The following KIF26B variants were observed in gnomAD, a reference collection of about 807,000 sequenced individuals.
The protein encoded by KIF26B is kinesin family member 26B.
KIF26B carries 63 observed loss-of-function variants against 151.2 expected under a neutral mutation model. The observed-to-expected ratio is 0.42, with a 90% CI of 0.34 to 0.51. KIF26B has a LOEUF of 0.51. Ranked by LOEUF, KIF26B falls within the 20% of genes least tolerant of loss-of-function variation. KIF26B has a pLI of 0.07. For synonymous variants in KIF26B, 1,357 were observed against 1,262.1 expected (o/e 1.08, Z -1.59); for missense variants, 2,813 against 2,913.6 (o/e 0.97, Z 0.79).
intron 2 of KIF26B, among the ~76,000 whole-genome samples, chr1:245,333,977 C>T (rs902278335): frequency 1.3e-5 from 2 of 151,016 alleles, no homozygotes; most frequent in African/African-American, 4.9e-5. Flanking sequence ...CCAGCCTGGG[C>T]GACGGAGTGA....
intron 2 of KIF26B, among the ~76,000 whole-genome samples, chr1:245,299,189 T>C (rs1309556504): frequency 2.0e-5 from 3 of 152,208 alleles, no homozygotes; most frequent in Non-Finnish European, 4.4e-5. Context: ...TTATTATTAT[T>C]GCGTTGGTGC....
At chr1:245,321,003 G>A (rs758558797) in intron 2 of KIF26B, among the ~76,000 whole-genome samples, 2 of 152,124 alleles carry the variant, frequency 1.3e-5, no homozygotes, top group African/African-American at 4.8e-5. Context: ...TAAACAAAAG[G>A]CCATCAAGCA....
At chr1:245,519,103 A>C (rs1661031675) in intron 4 of KIF26B, among the ~76,000 whole-genome samples, 1 of 152,236 alleles carries the variant, frequency 6.6e-6, no homozygotes, top group Non-Finnish European at 1.5e-5. Flanking sequence ...AATGAGAGTT[A>C]TTAGAGTTCA....
In KIF26B at chr1:245,597,957, A is replaced by C. The variant is rs2043352454; in HGVS notation, c.1351-4620A>C. Among the ~76,000 whole-genome samples the C allele has an allele frequency of 6.6e-6, 1 of 151,960 alleles. No individual in the cohort carries two copies. On this transcript the variant is annotated intron_variant, in intron 5 of 14. Coordinates refer to ENST00000407071, the MANE Select transcript of KIF26B (RefSeq NM_018012.4). The surrounding 1 kb of genome is among the most constrained non-coding windows in gnomAD (Gnocchi z 4.6). ...ACTGTGTGTGCTTCATGAAGTTCTC[A>C]TGCTGTGTTTTTCAACTCCATCAGG...
At chr1:245,273,170 T>C (rs1420573076) in intron 2 of KIF26B, among the ~76,000 whole-genome samples, 1 of 152,078 alleles carries the variant, frequency 6.6e-6, no homozygotes, top group African/African-American at 2.4e-5. Context: ...TCCCAGCACT[T>C]TGGGAGGCCG....
At chr1:245,156,800 G>A in intron 2 of KIF26B, 117 bp downstream of exon 2, 5 of 576,222 alleles carry the variant, frequency 8.7e-6, no homozygotes, top group South Asian at 5.0e-5. Flanking sequence ...GAGAGCCCCC[G>A]GCGGCGCTGG....
At chr1:245,187,304 A>G (rs904935910) in intron 2 of KIF26B, among the ~76,000 whole-genome samples, 9 of 152,254 alleles carry the variant, frequency 5.9e-5, no homozygotes, top group African/African-American at 2.2e-4. Flanking sequence ...GGAGCTAAAT[A>G]ATGTGTACAC....
At chr1:245,213,143 T>C (rs1360825936) in intron 2 of KIF26B, among the ~76,000 whole-genome samples, 4 of 152,182 alleles carry the variant, frequency 2.6e-5, no homozygotes, top group African/African-American at 9.7e-5. Context: ...TTTAGGTCAA[T>C]CTTAGATTTT....
At chr1:245,523,632 G>A (rs1661179617) in intron 4 of KIF26B, among the ~76,000 whole-genome samples, 1 of 152,140 alleles carries the variant, frequency 6.6e-6, no homozygotes, top group Non-Finnish European at 1.5e-5. Flanking sequence ...TGGCAGAAGG[G>A]GCAAACAAGC....
intron 9 of KIF26B, among the ~76,000 whole-genome samples, chr1:245,615,914 T>C (rs756791811): frequency 6.6e-6 from 1 of 152,224 alleles, no homozygotes; most frequent in African/African-American, 2.4e-5. Context: ...TTTTGTTTAC[T>C]TACATATAAG....
At chr1:245,672,008 ATCTT>A (rs1410560630) in intron 10 of KIF26B, among the ~76,000 whole-genome samples, 1 of 152,098 alleles carries the variant, frequency 6.6e-6, no homozygotes. Flanking sequence ...CCGCCAAATC[ATCTT>A]TCTTGTCACC....
At chr1:245,326,288 C>T (rs998836388) in intron 2 of KIF26B, among the ~76,000 whole-genome samples, 5 of 152,070 alleles carry the variant, frequency 3.3e-5, no homozygotes, top group South Asian at 2.1e-4. Flanking sequence ...GAAAACAAGC[C>T]GTTAGAATAT....
chr1:245,416,544 A>G (rs1382005250), intron 3 of KIF26B, among the ~76,000 whole-genome samples: 1 of 152,148 alleles, frequency 6.6e-6, no homozygotes, highest in Non-Finnish European at 1.5e-5. Flanking sequence ...AAAATGACTT[A>G]CTATTAAATG....
At chr1:245,220,318 C>T (rs891937343) in intron 2 of KIF26B, among the ~76,000 whole-genome samples, 1 of 152,136 alleles carries the variant, frequency 6.6e-6, no homozygotes, top group South Asian at 2.1e-4. Flanking sequence ...TCACAGTAAC[C>T]CTGTGGGCTT....
chr1:245,481,640 C>T (rs764086963), intron 4 of KIF26B, among the ~76,000 whole-genome samples: 1 of 151,860 alleles, frequency 6.6e-6, no homozygotes, highest in Non-Finnish European at 1.5e-5. Flanking sequence ...TGTCAAACCT[C>T]CTGTCAACTC....
rs983144386 is a variant in KIF26B, at chr1:245,512,563, T to C, written c.1167-28204T>C. On this transcript the variant is annotated intron_variant, in intron 4 of 14. Coordinates refer to ENST00000407071, the MANE Select transcript of KIF26B (RefSeq NM_018012.4). This position sits in a 1 kb window ranked among gnomAD's most constrained non-coding sequence, Gnocchi z 4.3. ...TTAACATCATCAAGGGCTGTAGCACTGGGCACCCGAGGGGATCAGCCTAAA... is the reference window on the plus strand; with the variant it reads ...TTAACATCATCAAGGGCTGTAGCACCGGGCACCCGAGGGGATCAGCCTAAA... 1.2e-4 allele frequency among the ~76,000 whole-genome samples: 19 copies of C among 152,310 alleles called. No homozygotes were observed. The highest frequency in any genetic ancestry group is 4.6e-4 in the African/African-American group (19 of 41,574).
At chr1:245,691,306 G>C (rs150681468) in intron 12 of KIF26B, among the ~76,000 whole-genome samples, 2 of 152,334 alleles carry the variant, frequency 1.3e-5, no homozygotes, top group South Asian at 4.1e-4. Flanking sequence ...AAGTGCTCTC[G>C]TAAATGCTGT....
chr1:245,642,794 T>C (rs1388336492), intron 9 of KIF26B, among the ~76,000 whole-genome samples: 3 of 152,152 alleles, frequency 2.0e-5, no homozygotes, highest in Middle Eastern at 3.4e-3. Context: ...CCTGTAGAGA[T>C]AGAATAGTTA....
chr1:245,209,340 G>T (rs1157161362), intron 2 of KIF26B, among the ~76,000 whole-genome samples: 2 of 152,114 alleles, frequency 1.3e-5, no homozygotes, highest in Admixed American at 1.3e-4. Flanking sequence ...GGCGGAGGTT[G>T]CAGTGAGCTG....
Sources: allele counts gnomAD v4.1 joint callset (sites outside exome capture counted in the v4.1 genomes callset), GRCh38; gene constraint gnomAD v4.1.1; non-coding constraint Gnocchi (gnomAD v3.1); transcripts MANE v1.5; gene names NCBI Gene and HGNC (gene_info 2026-07-23, HGNC 2026-07-21).